RBKS: variants seen among roughly 807,000 people sequenced by gnomAD.
RBKS encodes ribokinase.
RBKS carries 33 observed loss-of-function variants against 33.9 expected under a neutral mutation model. The ratio of observed to expected loss-of-function variants is 0.97; its 90% CI spans 0.74 to 1.30. RBKS has a LOEUF of 1.30. RBKS is among the 50% of genes most tolerant of loss of function. The pLI is 0.00. For missense variants in RBKS, 361 were observed against 392.6 expected, an observed-to-expected ratio of 0.92 and a Z score of 0.68; for synonymous variants, 125 against 143.0, an observed-to-expected ratio of 0.87 and a Z score of 0.90.
chr2:27,843,173 C>T lies in RBKS; in HGVS notation c.408G>A (p.Leu136=). 1 of 1,613,020 alleles carries T rather than the reference C, an allele frequency of 6.2e-7. No homozygotes were observed. The highest frequency in any genetic ancestry group is 8.5e-7 in the Non-Finnish European group (1 of 1,179,484). The stretch of plus-strand genomic sequence containing the variant: ...TGCTAATGACATTGGCTGCTGCCCT[C>T]AGATCCTCCGTATTCAAAAGTAAAT... ...GANLLLNTED[L]RAAANVISRA... The change falls in exon 5 of 8, where the codon CTG becomes CTA. Residue 136 remains leucine (L), a synonymous_variant. Coordinates refer to ENST00000302188, the MANE Select transcript of RBKS (RefSeq NM_022128.3).
chr2:27,811,833 G>A (rs949076963), intron 7 of RBKS, among the ~76,000 whole-genome samples: 7 of 152,116 alleles, frequency 4.6e-5, no homozygotes, highest in African/African-American at 1.7e-4. Flanking sequence ...GGTTTTAATG[G>A]CCATGTTTGG....
intron 7 of RBKS, among the ~76,000 whole-genome samples, chr2:27,789,089 TAGAC>T (rs1006043718): frequency 5.3e-5 from 8 of 152,138 alleles, no homozygotes. Flanking sequence ...CTACAGTAAT[TAGAC>T]AGAGAGATAC....
chr2:27,849,435 C>T (rs1040100908), intron 2 of RBKS, among the ~76,000 whole-genome samples: 9 of 151,290 alleles, frequency 5.9e-5, no homozygotes, highest in East Asian at 2.0e-4. Flanking sequence ...TGGTGGCGCA[C>T]GCCTGTAGTC....
chr2:27,801,462 T>C (rs1340473976), intron 7 of RBKS, among the ~76,000 whole-genome samples: 2 of 82,992 alleles, frequency 2.4e-5, no homozygotes, highest in East Asian at 2.5e-4. Flanking sequence ...AGGGCCACAG[T>C]ATACACACAC....
intron 7 of RBKS, among the ~76,000 whole-genome samples, chr2:27,826,832 A>C (rs1035779328): frequency 6.6e-6 from 1 of 152,160 alleles, no homozygotes; most frequent in Admixed American, 6.5e-5. Flanking sequence ...CACTTAGCAC[A>C]CTTGTCCTCA....
At chr2:27,809,143 G>T (rs529878683) in intron 7 of RBKS, among the ~76,000 whole-genome samples, 1 of 152,226 alleles carries the variant, frequency 6.6e-6, no homozygotes, top group Non-Finnish European at 1.5e-5. Flanking sequence ...TGTGGCTTAC[G>T]CACTGGCACA....
At chr2:27,789,971 ATG>A (rs1553374160) in intron 7 of RBKS, among the ~76,000 whole-genome samples, 6 of 128,614 alleles carry the variant, frequency 4.7e-5, no homozygotes, top group East Asian at 4.4e-4. Flanking sequence ...ATATATATAT[ATG>A]TATATATATA....
At chr2:27,832,630 T>A in intron 6 of RBKS, 56 bp downstream of exon 6, 1 of 1,102,510 alleles carries the variant, frequency 9.1e-7, no homozygotes. Flanking sequence ...CTTTGCTTTA[T>A]CCACTTGTAC....
chr2:27,883,075 G>A (rs1039291570), intron 1 of RBKS, among the ~76,000 whole-genome samples: 1 of 152,048 alleles, frequency 6.6e-6, no homozygotes, highest in African/African-American at 2.4e-5. Context: ...ACCTGCACAT[G>A]TACCTCTGAA....
chr2:27,850,286 A>G (rs1291094473), intron 2 of RBKS, among the ~76,000 whole-genome samples: 1 of 152,242 alleles, frequency 6.6e-6, no homozygotes, highest in Non-Finnish European at 1.5e-5. Flanking sequence ...CCTGCAACTA[A>G]GTGGTACTTT....
intron 7 of RBKS, among the ~76,000 whole-genome samples, chr2:27,788,964 G>A: frequency 6.6e-6 from 1 of 152,042 alleles, no homozygotes; most frequent in East Asian, 1.9e-4. Flanking sequence ...AAAAATCCCA[G>A]CTGCCAACTA....
chr2:27,844,905 G>T (rs369111866), intron 4 of RBKS, among the ~76,000 whole-genome samples: 1 of 152,054 alleles, frequency 6.6e-6, no homozygotes, highest in African/African-American at 2.4e-5. Context: ...TCTGTGCTCC[G>T]GGCTGCTCGT....
At chr2:27,826,478 G>C (rs1678315840) in intron 7 of RBKS, among the ~76,000 whole-genome samples, 1 of 148,316 alleles carries the variant, frequency 6.7e-6, no homozygotes, top group African/African-American at 2.5e-5. Context: ...GTGCAATCTT[G>C]GCTCACTGCA....
chr2:27,806,507 CG>C (rs2148191732), intron 7 of RBKS, among the ~76,000 whole-genome samples: 3 of 152,238 alleles, frequency 2.0e-5, no homozygotes, highest in Admixed American at 2.0e-4. Flanking sequence ...ATTGCAATGC[CG>C]TGAGGTAGGT....
intron 1 of RBKS, among the ~76,000 whole-genome samples, chr2:27,883,999 C>G (rs77162076): frequency 1.3e-5 from 2 of 152,146 alleles, no homozygotes; most frequent in African/African-American, 4.8e-5. Context: ...AACTGATAAG[C>G]AACTTTTCAG....
chr2:27,803,717 T>C (rs1176695402), intron 7 of RBKS, among the ~76,000 whole-genome samples: 2 of 147,416 alleles, frequency 1.4e-5, no homozygotes, highest in Non-Finnish European at 3.0e-5. Flanking sequence ...AAAAAAAGTC[T>C]GAGATAATCC....
intron 7 of RBKS, among the ~76,000 whole-genome samples, chr2:27,800,420 T>C (rs1394565886): frequency 6.6e-6 from 1 of 152,238 alleles, no homozygotes. Context: ...GGCAAGTCAC[T>C]CAGCTTTTCT....
At chr2:27,794,720 T>A (rs944794868) in intron 7 of RBKS, among the ~76,000 whole-genome samples, 14 of 149,026 alleles carry the variant, frequency 9.4e-5, no homozygotes, top group African/African-American at 3.5e-4. Flanking sequence ...GCCTCCCGGG[T>A]TCAAGCAATT....
At chr2:27,817,529 C>T (rs1042329730) in intron 7 of RBKS, among the ~76,000 whole-genome samples, 3 of 152,162 alleles carry the variant, frequency 2.0e-5, no homozygotes, top group Non-Finnish European at 4.4e-5. Context: ...ATACCCAAGA[C>T]TGGGTAATTT....
Sources: allele counts gnomAD v4.1 joint callset (sites outside exome capture counted in the v4.1 genomes callset), GRCh38; gene constraint gnomAD v4.1.1; transcripts MANE v1.5; gene names NCBI Gene and HGNC (gene_info 2026-07-23, HGNC 2026-07-21).